The following MRC1 variants were observed in gnomAD, a reference collection of about 807,000 sequenced individuals.
MRC1 encodes macrophage mannose receptor 1.
Under a neutral mutation model 102.9 loss-of-function variants are expected in MRC1, and 62 were observed. That is an observed-to-expected ratio of 0.60 (90% CI 0.49 to 0.74). The LOEUF (loss-of-function observed/expected upper bound fraction) is 0.74. MRC1 is among the 30% of genes least tolerant of loss of function. The pLI, the probability that MRC1 is intolerant of heterozygous loss-of-function variation, is 0.00. For synonymous variants in MRC1, 457 were observed against 298.4 expected, an observed-to-expected ratio of 1.53 and a Z score of -5.48; for missense variants, 1,237 against 862.8, an observed-to-expected ratio of 1.43 and a Z score of -5.43.
rs1424014585 is a variant in MRC1, at chr10:17,889,515, C to A, written c.3147+4080C>A. On this transcript the variant is annotated intron_variant, in intron 22 of 29. Coordinates refer to ENST00000569591, the MANE Select transcript of MRC1 (RefSeq NM_002438.4). ...TCTTGGGCTCGGGCAATCCTCCTAC[C>A]TTGGCCTCCCAAAGTACTGGGATTA... 1.2e-4 allele frequency among the ~76,000 whole-genome samples: 19 copies of A among 152,288 alleles called. No homozygotes were observed. The East Asian group carries it at 3.5e-3, about 28-fold the overall frequency.
At chr10:17,888,793 G>C (rs1833635519) in intron 22 of MRC1, among the ~76,000 whole-genome samples, 1 of 152,140 alleles carries the variant, frequency 6.6e-6, no homozygotes, top group South Asian at 2.1e-4. Flanking sequence ...GATTGTTGGT[G>C]CTGTCCACTT....
intron 21 of MRC1, among the ~76,000 whole-genome samples, chr10:17,883,314 A>T (rs1452322801): frequency 7.2e-5 from 11 of 152,136 alleles, no homozygotes; most frequent in Non-Finnish European, 1.5e-4. Flanking sequence ...TTTTTTGTAG[A>T]GAGAGGGTCT....
intron 1 of MRC1, among the ~76,000 whole-genome samples, chr10:17,819,575 G>A (rs899162634): frequency 6.6e-6 from 1 of 152,038 alleles, no homozygotes; most frequent in Non-Finnish European, 1.5e-5. Flanking sequence ...GTGGAAGCTG[G>A]CAAGTCCAAA....
chr10:17,832,935 A>G (rs1838601368), intron 3 of MRC1, among the ~76,000 whole-genome samples: 1 of 152,120 alleles, frequency 6.6e-6, no homozygotes, highest in Non-Finnish European at 1.5e-5. Context: ...GATGTCTTGC[A>G]TGCATATATT....
In MRC1 at chr10:17,863,706, G is replaced by T. The variant is rs951307446; in HGVS notation, c.1783+24G>T. 6,268 of 779,594 alleles carry T rather than the reference G, an allele frequency of 8.0e-3. 112 individuals carry two copies. The highest frequency in any genetic ancestry group is 0.041 in the South Asian group (3,006 of 74,158). The allele number at this position is 779,594 out of a possible 1,614,324, so 48.3% of individuals were successfully genotyped here. ...AGGTACGGGCAGCGCTTAGGTTGAG[G>T]GTTGCTTTCACCCTACGAATCTGTT... On this transcript the variant is annotated intron_variant, in intron 11 of 29. Transcript: ENST00000569591.
intron 26 of MRC1, among the ~76,000 whole-genome samples, chr10:17,902,326 G>T (rs1833839554): frequency 6.6e-6 from 1 of 152,084 alleles, no homozygotes; most frequent in Non-Finnish European, 1.5e-5. Flanking sequence ...AGAGAATTCG[G>T]GTAGAAAACA....
chr10:17,852,354 G>T (rs1429029483), intron 7 of MRC1, among the ~76,000 whole-genome samples: 3 of 152,126 alleles, frequency 2.0e-5, no homozygotes, highest in African/African-American at 4.8e-5. Context: ...CAGCATAATA[G>T]ATAGGTACCA....
At chr10:17,869,609 A>T (rs1589186657) in intron 12 of MRC1, among the ~76,000 whole-genome samples, 1 of 152,194 alleles carries the variant, frequency 6.6e-6, no homozygotes, top group Non-Finnish European at 1.5e-5. Flanking sequence ...ATATTATGAC[A>T]CAATTCCTAA....
intron 2 of MRC1, among the ~76,000 whole-genome samples, chr10:17,825,255 A>G (rs1323196493): frequency 6.6e-6 from 1 of 152,112 alleles, no homozygotes; most frequent in Non-Finnish European, 1.5e-5. Context: ...CTTTTTGAAA[A>G]TAGGAATTAT....
intron 4 of MRC1, 132 bp from the exon 5 acceptor site, chr10:17,840,561 A>T: frequency 1.5e-6 from 1 of 685,818 alleles, no homozygotes. Flanking sequence ...ATCAAAGGAG[A>T]CATGGTAGGC....
intron 16 of MRC1, 49 bp downstream of exon 16, chr10:17,873,874 G>A (rs930106648): frequency 2.2e-5 from 19 of 866,032 alleles, no homozygotes; most frequent in Non-Finnish European, 3.0e-5. Context: ...CCCTTTCTCC[G>A]CCTCTTTCCT....
chr10:17,850,886 A>T (rs1289365847), intron 7 of MRC1, among the ~76,000 whole-genome samples: 1 of 152,224 alleles, frequency 6.6e-6, no homozygotes, highest in Non-Finnish European at 1.5e-5. Flanking sequence ...AATGGTATCC[A>T]TCTTCCTGTG....
Position 17,909,174 on chromosome 10 carries a change from A to G in MRC1, c.4079-132A>G, listed in dbSNP as rs1449011110. 1.2e-5 allele frequency: 8 copies of G among 676,364 alleles called. No homozygotes were observed. The South Asian group carries it at 1.2e-4, about 10-fold the overall frequency. The allele number at this position is 676,364 out of a possible 1,614,324, so 41.9% of individuals were successfully genotyped here. A position where few individuals can be genotyped will look rare whatever the true frequency, so the allele number is the denominator to read the frequency against. On this transcript the variant is annotated intron_variant, in intron 28 of 29. Transcript: ENST00000569591. Reference sequence around the variant, plus strand: ...TTCTACCTGTATTTTTATATCTATCATATCATAATATCATATATCAATCAA... The same window carrying G: ...TTCTACCTGTATTTTTATATCTATCGTATCATAATATCATATATCAATCAA...
At position 17,860,788 on chromosome 10, in the gene MRC1, C is replaced by T. The variant is rs1250266370; in HGVS notation, c.1519-599C>T. Among the ~76,000 whole-genome samples, 3 of 152,266 alleles carry T rather than the reference C, an allele frequency of 2.0e-5. No individual in the cohort carries two copies. In the East Asian group the frequency reaches 5.8e-4, roughly 29 times the overall value. On this transcript the variant is annotated intron_variant, in intron 9 of 29. Coordinates refer to ENST00000569591, the MANE Select transcript of MRC1 (RefSeq NM_002438.4). ...GTATCTTAGCCGTTCTGTTCAGTTT[C>T]CTCAGTAAACGTTTCACAAATAGTT... is the stretch of plus-strand genomic sequence containing the variant.
intron 26 of MRC1, among the ~76,000 whole-genome samples, chr10:17,903,648 G>A (rs1362969583): frequency 6.6e-6 from 1 of 151,644 alleles, no homozygotes; most frequent in African/African-American, 2.4e-5. Context: ...CACCTGCCTC[G>A]GCTTCCCAAA....
chr10:17,908,562 A>C (rs1554844035), intron 28 of MRC1, among the ~76,000 whole-genome samples: 1 of 151,094 alleles, frequency 6.6e-6, no homozygotes, highest in African/African-American at 2.4e-5. Context: ...GAGTTGTTTT[A>C]TTTTTTTTGT....
intron 25 of MRC1, 95 bp from the exon 26 acceptor site, chr10:17,901,878 G>A: frequency 1.3e-6 from 1 of 771,688 alleles, no homozygotes; most frequent in Non-Finnish European, 2.4e-6. Context: ...TTAAAATAAT[G>A]ATCAATGATC....
intron 1 of MRC1, among the ~76,000 whole-genome samples, chr10:17,817,045 C>T (rs1037474410): frequency 4.6e-5 from 7 of 152,094 alleles, no homozygotes; most frequent in Non-Finnish European, 1.0e-4. Flanking sequence ...ATCAGGAGTT[C>T]GAGACCAGCC....
chr10:17,875,108 A>C lies in MRC1; in HGVS notation c.2405A>C (p.Asp802Ala). The C allele has an allele frequency of 1.3e-6, 1 of 780,832 alleles. No homozygotes were observed. The highest frequency in any genetic ancestry group is 2.4e-6 in the Non-Finnish European group (1 of 417,920). 48.4% of individuals were successfully genotyped at this position (780,832 alleles called of 1,614,324 possible). The change falls in exon 17 of 30, where the codon GAT becomes GCT. Residue 802 changes from aspartate to alanine, a missense_variant. Transcript: ENST00000569591. ...TTTTCAGATCCACCAGTTACTGAAG[A>C]TGGGTGGGTTATTTACAAAGACTAC... ...APQDNPPVTE[D>A]GWVIYKDYQY... is the part of the protein sequence containing the mutation.
Sources: allele counts gnomAD v4.1 joint callset (sites outside exome capture counted in the v4.1 genomes callset), GRCh38; gene constraint gnomAD v4.1.1; transcripts MANE v1.5; gene names NCBI Gene and HGNC (gene_info 2026-07-23, HGNC 2026-07-21).